The following RYK variants were observed in gnomAD, a reference collection of about 807,000 sequenced individuals.
RYK encodes the protein receptor like tyrosine kinase.
In RYK, 21 loss-of-function variants were observed where a neutral mutation model predicts 70.2. The ratio of observed to expected loss-of-function variants is 0.30; its 90% confidence interval spans 0.21 to 0.43. The LOEUF is 0.43. Ranked by LOEUF, RYK falls within the 20% of genes least tolerant of loss-of-function variation. The pLI, the probability that RYK is intolerant of heterozygous loss-of-function variation, is 1.00. For missense variants in RYK, 604 were observed against 753.3 expected (o/e 0.80, Z 2.32); for synonymous variants, 267 against 278.0 (o/e 0.96, Z 0.39).
Position 134,188,166 on chromosome 3 carries a change from TA to T in RYK, c.1102+670del, listed in dbSNP as rs67887716. On this transcript the variant is annotated intron_variant, in intron 9 of 14. Coordinates refer to ENST00000623711, the MANE Select transcript of RYK (RefSeq NM_002958.4). ...CAATCTAACAATATATATATATATA[TA>T]TTTTTTTTTTTTTTTGAGACAGAGT... Among the ~76,000 whole-genome samples, 474 of 58,620 alleles carry T rather than the reference TA, an allele frequency of 8.1e-3. 4 individuals are homozygous for T. The highest frequency in any genetic ancestry group is 0.045 in the East Asian group (113 of 2,504). 38.5% of individuals were successfully genotyped at this position (58,620 alleles called of 152,430 possible).
intron 2 of RYK, among the ~76,000 whole-genome samples, chr3:134,221,424 C>T (rs1414331802): frequency 2.6e-5 from 4 of 151,692 alleles, no homozygotes; most frequent in East Asian, 1.9e-4. Flanking sequence ...AAGATGGTCT[C>T]GATCTCCTGA....
intron 1 of RYK, among the ~76,000 whole-genome samples, chr3:134,233,499 C>A (rs768670051): frequency 6.6e-6 from 1 of 151,994 alleles, no homozygotes; most frequent in Non-Finnish European, 1.5e-5. Context: ...AAGACAGACA[C>A]AAATTTTTAT....
At chr3:134,208,934 C>A (rs184196245) in intron 4 of RYK, among the ~76,000 whole-genome samples, 2 of 151,994 alleles carry the variant, frequency 1.3e-5, no homozygotes, top group East Asian at 1.9e-4. Flanking sequence ...TTCCCCCCCC[C>A]ATCTTAGATA....
chr3:134,215,929 C>T (rs78305004), intron 2 of RYK, among the ~76,000 whole-genome samples: 2 of 151,270 alleles, frequency 1.3e-5, no homozygotes, highest in African/African-American at 2.4e-5. Context: ...CTCGGCTACT[C>T]GGAGGCTAAG....
intron 1 of RYK, among the ~76,000 whole-genome samples, chr3:134,241,588 C>T (rs552127951): frequency 4.1e-4 from 63 of 152,238 alleles, no homozygotes; most frequent in Admixed American, 1.4e-3. Context: ...GCATTCAAAA[C>T]GTTAATTTAC....
intron 7 of RYK, among the ~76,000 whole-genome samples, chr3:134,192,602 A>T (rs2013680710): frequency 2.0e-5 from 3 of 152,194 alleles, no homozygotes; most frequent in Admixed American, 2.0e-4. Flanking sequence ...TAATTCAATG[A>T]CAGTAAAAAC....
Position 134,250,513 on chromosome 3 carries a change from G to A in RYK, c.142C>T (p.Pro48Ser), listed in dbSNP as rs536406334. ...TGCAGCTCCGGGGGCCGCGGGGCGG[G>A]GGCGGCGGCAGCGCCAGGCGCGGGC... ...LLPAPGAAAA[P>S]APRPPELQSA... is the part of the protein sequence containing the mutation. The change falls in exon 1 of 15, where the codon CCC becomes TCC. Residue 48 changes from proline to serine, a missense_variant. Coordinates refer to ENST00000623711, the MANE Select transcript of RYK (RefSeq NM_002958.4). 106 of 1,241,098 alleles carry A rather than the reference G, an allele frequency of 8.5e-5. 3 individuals carry two copies. The South Asian group carries it at 2.1e-3, about 24-fold the overall frequency. The allele number at this position is 1,241,098 out of a possible 1,614,324, so 76.9% of individuals were successfully genotyped here. A position where few individuals can be genotyped will look rare whatever the true frequency, so the allele number is the denominator to read the frequency against.
At chr3:134,224,661 C>T (rs936723154) in intron 1 of RYK, among the ~76,000 whole-genome samples, 8 of 151,748 alleles carry the variant, frequency 5.3e-5, no homozygotes. Context: ...CAGGCACTGG[C>T]GCTACCACTA....
chr3:134,203,061 T>C (rs1175839885), intron 5 of RYK, among the ~76,000 whole-genome samples, 187 bp from the exon 6 acceptor site: 2 of 152,166 alleles, frequency 1.3e-5, no homozygotes, highest in African/African-American at 4.8e-5. Context: ...AAAAAAATAT[T>C]TTAGGCCAGG....
At chr3:134,237,189 A>C (rs1426212034) in intron 1 of RYK, among the ~76,000 whole-genome samples, 2 of 152,200 alleles carry the variant, frequency 1.3e-5, no homozygotes, top group Non-Finnish European at 2.9e-5. Context: ...CTCAAGTTCT[A>C]ATAATTCAAC....
At chr3:134,183,155 C>A in intron 9 of RYK, 84 bp from the exon 10 acceptor site, 1 of 754,092 alleles carries the variant, frequency 1.3e-6, no homozygotes, top group Non-Finnish European at 2.1e-6. Flanking sequence ...AAATAATTAT[C>A]TTGAACTATA....
chr3:134,190,214 C>T (rs956435044), intron 8 of RYK, among the ~76,000 whole-genome samples: 1 of 152,200 alleles, frequency 6.6e-6, no homozygotes, highest in African/African-American at 2.4e-5. Flanking sequence ...CATAGAGCTA[C>T]ACACCCTGAC....
intron 1 of RYK, among the ~76,000 whole-genome samples, chr3:134,244,495 C>T (rs1257230914): frequency 6.6e-6 from 1 of 152,154 alleles, no homozygotes; most frequent in Non-Finnish European, 1.5e-5. Context: ...TGGCCTTCTA[C>T]TCACTGTCCA....
At position 134,189,754 on chromosome 3, in the gene RYK, A is replaced by C. The variant is rs547057628; in HGVS notation, c.1016-831T>G. Among the ~76,000 whole-genome samples, 379 of 151,084 alleles carry C rather than the reference A, an allele frequency of 2.5e-3. 1 individual carries two copies. Among genetic ancestry groups the C allele is most frequent in the East Asian group, 7.8e-3 (40 of 5,110 alleles). ...CGAGACTCCGCCAAAAAAAAAAAAA[A>C]AAAAAACAAAAAACAAAAACTCTTA... On this transcript the variant is annotated intron_variant, in intron 8 of 14. Transcript: ENST00000623711.
At chr3:134,196,189 G>C (rs1160918145) in intron 6 of RYK, among the ~76,000 whole-genome samples, 2 of 152,156 alleles carry the variant, frequency 1.3e-5, no homozygotes, top group Non-Finnish European at 2.9e-5. Flanking sequence ...TGTCTTTTCA[G>C]TGGGGAGAAA....
intron 1 of RYK, among the ~76,000 whole-genome samples, chr3:134,248,662 CA>C (rs201078569): frequency 6.6e-6 from 1 of 151,900 alleles, no homozygotes; most frequent in South Asian, 2.1e-4. Context: ...ACTAAAAATA[CA>C]AAAAATAGCC....
intron 1 of RYK, among the ~76,000 whole-genome samples, chr3:134,249,131 T>A (rs1048066467): frequency 6.6e-6 from 1 of 152,228 alleles, no homozygotes; most frequent in African/African-American, 2.4e-5. Context: ...GTATTATTTT[T>A]CCTAAATCTT....
At chr3:134,183,157 T>C in intron 9 of RYK, 86 bp from the exon 10 acceptor site, 3 of 744,798 alleles carry the variant, frequency 4.0e-6, no homozygotes, top group Non-Finnish European at 6.4e-6. Context: ...ATAATTATCT[T>C]GAACTATAAG....
intron 1 of RYK, among the ~76,000 whole-genome samples, chr3:134,231,631 T>C (rs1006841343): frequency 4.6e-5 from 7 of 152,070 alleles, no homozygotes; most frequent in African/African-American, 1.2e-4. Context: ...CACCCACTAA[T>C]ACCCCTCTGA....
Sources: allele counts gnomAD v4.1 joint callset (sites outside exome capture counted in the v4.1 genomes callset), GRCh38; gene constraint gnomAD v4.1.1; transcripts MANE v1.5; gene names NCBI Gene and HGNC (gene_info 2026-07-23, HGNC 2026-07-21).